The following SLC51B variants were observed in gnomAD, a reference collection of about 807,000 sequenced individuals.
SLC51B encodes SLC51 subunit beta.
In SLC51B, 6 loss-of-function variants were observed where a neutral mutation model predicts 8.0. That is an observed-to-expected ratio of 0.75 (90% confidence interval 0.41 to 1.48). SLC51B has a LOEUF of 1.48. SLC51B is among the 40% of genes most tolerant of loss of function. The pLI, the probability that SLC51B is intolerant of heterozygous loss-of-function variation, is 0.01. For missense variants in SLC51B, 150 were observed against 149.7 expected (o/e 1.00, Z -0.01); for synonymous variants, 61 against 54.8 (o/e 1.11, Z -0.50).
rs994236086 is a variant in SLC51B at position 65,052,961 on chromosome 15, C to T, written c.189-5C>T. On this transcript the variant is annotated splice_polypyrimidine_tract_variant and splice_region_variant and intron_variant, in intron 3 of 3. Transcript: ENST00000334287. ...CCTCATTAACACTGTTCCCTGTCCC[C>T]CCAGAAAAGAAAAGATGCAGCCACC... 5 of 1,564,436 alleles carry T rather than the reference C, an allele frequency of 3.2e-6. No homozygotes were observed. Among genetic ancestry groups the T allele is most frequent in the African/African-American group, 2.7e-5 (2 of 72,768 alleles).
intron 2 of SLC51B, among the ~76,000 whole-genome samples, chr15:65,051,126 G>A (rs2086648346): frequency 2.0e-5 from 3 of 152,116 alleles, no homozygotes; most frequent in Admixed American, 6.5e-5. Flanking sequence ...TTATAGGCGT[G>A]AGCCACTGAG....
chr15:65,052,062 C>G (rs1197150668), intron 3 of SLC51B, among the ~76,000 whole-genome samples: 2 of 152,122 alleles, frequency 1.3e-5, no homozygotes, highest in African/African-American at 4.8e-5. Flanking sequence ...TGAATAAAAC[C>G]AATCTGGAGA....
chr15:65,051,648 T>A (rs532516214), intron 3 of SLC51B, 43 bp downstream of exon 3: 1 of 1,570,648 alleles, frequency 6.4e-7, no homozygotes, highest in South Asian at 1.1e-5. Context: ...CTCTGTGGGG[T>A]AGAGGCCCTG....
At chr15:65,051,730 T>A (rs1251135542) in intron 3 of SLC51B, 125 bp downstream of exon 3, 4 of 783,752 alleles carry the variant, frequency 5.1e-6, no homozygotes, top group Non-Finnish European at 8.4e-6. Context: ...ACAGCAAAAT[T>A]CAGCCTTCAG....
intron 2 of SLC51B, among the ~76,000 whole-genome samples, chr15:65,051,237 G>A (rs1431356068): frequency 1.3e-5 from 2 of 152,104 alleles, no homozygotes; most frequent in Non-Finnish European, 2.9e-5. Flanking sequence ...CCTGCCCTCC[G>A]TAGGCCTCTG....
chr15:65,045,514 G>A lies in SLC51B; in HGVS notation c.-177G>A, dbSNP rs763154126. 6.6e-6 allele frequency: 1 copy of A among 152,258 alleles called. No homozygotes were observed. The highest frequency in any genetic ancestry group is 1.5e-5 in the Non-Finnish European group (1 of 68,072). 9.4% of individuals were successfully genotyped at this position (152,258 alleles called of 1,614,324 possible). A position where few individuals can be genotyped will look rare whatever the true frequency, so the allele number is the denominator to read the frequency against. ...TGTTCTCCCATAAAGAGGAGGAAAA[G>A]GAAGATACAGAAATCGGTGCTGCTC... On this transcript the variant is annotated 5_prime_UTR_variant, in exon 1 of 4. Transcript: ENST00000334287.
At position 65,051,565 on chromosome 15, in the gene SLC51B, A is replaced by C; in HGVS notation, c.148A>C (p.Ile50Leu). 6.2e-7 allele frequency: 1 copy of C among 1,613,610 alleles called. No individual in the cohort carries two copies. The highest frequency in any genetic ancestry group is 8.5e-7 in the Non-Finnish European group (1 of 1,179,772). The change falls in exon 3 of 4, where the codon ATA becomes CTA. Residue 50 changes from isoleucine (I) to leucine (L), a missense_variant. Coordinates refer to ENST00000334287, the MANE Select transcript of SLC51B (RefSeq NM_178859.4). ...TGCCCTGGCAGCTGTGGTGGTCATT[A>C]TAAGCATGGTCCTCCTGGGAAGAAG... The part of the protein sequence containing the change: ...ILALAAVVVI[I>L]SMVLLGRSIQ...
intron 2 of SLC51B, 102 bp from the exon 3 acceptor site, chr15:65,051,413 G>T: frequency 9.1e-7 from 1 of 1,102,080 alleles, no homozygotes. Context: ...GCAAAGGACA[G>T]TTGATGCTGT....
At chr15:65,049,577 T>C (rs573707705) in intron 1 of SLC51B, 1 of 153,490 alleles carries the variant, frequency 6.5e-6, no homozygotes, top group African/African-American at 2.4e-5. Context: ...GTGGGCGCGC[T>C]GTGGGCTCGT....
intron 2 of SLC51B, 34 bp downstream of exon 2, chr15:65,050,135 G>A: frequency 6.6e-7 from 1 of 1,519,640 alleles, no homozygotes; most frequent in African/African-American, 1.4e-5. Flanking sequence ...AGGGGTGGGG[G>A]TGTGCCCCTC....
At chr15:65,051,711 C>A in intron 3 of SLC51B, 106 bp downstream of exon 3, 1 of 975,848 alleles carries the variant, frequency 1.0e-6, no homozygotes, top group Non-Finnish European at 1.6e-6. Context: ...TTGCTGTCCA[C>A]CCTTTGGGAC....
chr15:65,045,816 T>C (rs2086569409), intron 1 of SLC51B, among the ~76,000 whole-genome samples: 1 of 152,240 alleles, frequency 6.6e-6, no homozygotes, highest in African/African-American at 2.4e-5. Flanking sequence ...AATTTAATCA[T>C]GCAAATGACA....
rs1177595106 is a variant in SLC51B, at chr15:65,053,233, T to G, written c.*69T>G. On this transcript the variant is annotated 3_prime_UTR_variant, in exon 4 of 4. Transcript: ENST00000334287. ...GGGCTCAGCTCAGTGGCCTGAAACC[T>G]CTCAGGTTTTAGAGTCTCTCCCAAG... 2.4e-5 allele frequency: 38 copies of G among 1,560,160 alleles called. No individual in the cohort carries two copies. The highest frequency in any genetic ancestry group is 3.1e-5 in the Non-Finnish European group (36 of 1,158,440).
intron 2 of SLC51B, 84 bp from the exon 3 acceptor site, chr15:65,051,431 G>A: frequency 1.5e-6 from 2 of 1,326,686 alleles, no homozygotes; most frequent in Non-Finnish European, 2.2e-6. Flanking sequence ...TGTAAGCTGG[G>A]TCTGAGCCCA....
intron 1 of SLC51B, among the ~76,000 whole-genome samples, chr15:65,047,310 TG>T (rs762104790): frequency 2.5e-4 from 37 of 150,888 alleles, no homozygotes; most frequent in East Asian, 5.8e-4. Flanking sequence ...CACTCCAGCC[TG>T]GGCAGCAAAA....
chr15:65,051,632 G>C (rs765514778), intron 3 of SLC51B, 27 bp downstream of exon 3: 2 of 1,608,474 alleles, frequency 1.2e-6, no homozygotes, highest in South Asian at 1.1e-5. Flanking sequence ...GGGGGGATGG[G>C]GTGGTCTCTG....
chr15:65,051,688 C>A, intron 3 of SLC51B, 83 bp downstream of exon 3: 1 of 1,346,490 alleles, frequency 7.4e-7, no homozygotes, highest in Non-Finnish European at 1.1e-6. Context: ...AGAGAGGGGT[C>A]ACTTAGGGGT....
chr15:65,046,738 C>A (rs925470301), intron 1 of SLC51B, among the ~76,000 whole-genome samples: 2 of 152,000 alleles, frequency 1.3e-5, no homozygotes, highest in East Asian at 1.9e-4. Flanking sequence ...GATGATGAAA[C>A]CCCATCGCTA....
At chr15:65,052,282 G>T (rs532451625) in intron 3 of SLC51B, among the ~76,000 whole-genome samples, 1 of 152,076 alleles carries the variant, frequency 6.6e-6, no homozygotes, top group African/African-American at 2.4e-5. Context: ...TGGTGACAAG[G>T]ACCTACGCTA....
Sources: allele counts gnomAD v4.1 joint callset (sites outside exome capture counted in the v4.1 genomes callset), GRCh38; gene constraint gnomAD v4.1.1; transcripts MANE v1.5; gene names NCBI Gene and HGNC (gene_info 2026-07-23, HGNC 2026-07-21).